Variants in EPHB1 observed in about 807,000 individuals in gnomAD.
EPHB1 encodes the protein ephrin type-B receptor 1.
Under a neutral mutation model 94.4 loss-of-function variants are expected in EPHB1, and 30 were observed. The observed-to-expected ratio is 0.32, with a 90% CI of 0.24 to 0.43. The LOEUF (loss-of-function observed/expected upper bound fraction) is 0.43, where lower values mean the gene tolerates loss of function less well. EPHB1 is among the 20% of genes least tolerant of loss of function. The pLI, the probability that EPHB1 is intolerant of heterozygous loss-of-function variation, is 1.00. For synonymous variants in EPHB1, 522 were observed against 489.1 expected, an observed-to-expected ratio of 1.07 and a Z score of -0.89; for missense variants, 1,055 against 1,308.3, an observed-to-expected ratio of 0.81 and a Z score of 2.99.
At chr3:135,117,813 G>T (rs558266297) in intron 4 of EPHB1, among the ~76,000 whole-genome samples, 1 of 152,358 alleles carries the variant, frequency 6.6e-6, no homozygotes, top group South Asian at 2.1e-4. Context: ...GCCTTTCCAG[G>T]CTTACCTTGG....
At chr3:134,955,067 C>CTTTTTTTT (rs1309937375) in intron 3 of EPHB1, among the ~76,000 whole-genome samples, 2 of 7,096 alleles carry the variant, frequency 2.8e-4, no homozygotes, top group African/African-American at 4.1e-4. Flanking sequence ...TCCTGACATC[C>CTTTTTTTT]TTTCTTTTTT....
intron 1 of EPHB1, among the ~76,000 whole-genome samples, chr3:134,867,862 G>A (rs150135851): frequency 4.6e-4 from 70 of 152,204 alleles, no homozygotes; most frequent in African/African-American, 1.5e-3. Flanking sequence ...TGGAGTTCTC[G>A]CCTCCTGGGC....
intron 1 of EPHB1, among the ~76,000 whole-genome samples, chr3:134,818,627 T>C (rs2108288990): frequency 6.6e-6 from 1 of 152,350 alleles, no homozygotes; most frequent in East Asian, 1.9e-4. Context: ...CAGTTTCCAT[T>C]CCTGAGTTAC....
chr3:135,176,476 A>G (rs1033862682), intron 9 of EPHB1, among the ~76,000 whole-genome samples: 1 of 152,208 alleles, frequency 6.6e-6, no homozygotes, highest in Non-Finnish European at 1.5e-5. Context: ...GGTCTCAGTG[A>G]CACCAATGCC....
chr3:134,910,878 A>G (rs1024467301), intron 1 of EPHB1, among the ~76,000 whole-genome samples: 2 of 152,228 alleles, frequency 1.3e-5, no homozygotes, highest in African/African-American at 4.8e-5. Context: ...CCTCCTGTGC[A>G]GTTGACAGTG....
chr3:134,972,677 C>T (rs1285438939), intron 3 of EPHB1, among the ~76,000 whole-genome samples: 1 of 151,678 alleles, frequency 6.6e-6, no homozygotes, highest in African/African-American at 2.4e-5. Context: ...AATTGCAATA[C>T]TGTGTGTTAT....
intron 10 of EPHB1, among the ~76,000 whole-genome samples, chr3:135,183,190 C>T (rs1159057905): frequency 1.3e-5 from 2 of 149,976 alleles, no homozygotes; most frequent in African/African-American, 4.9e-5. Context: ...TTTCCTTCCT[C>T]CCTTCCTTCC....
intron 1 of EPHB1, among the ~76,000 whole-genome samples, chr3:134,877,422 C>G (rs1392031962): frequency 6.6e-6 from 1 of 152,206 alleles, no homozygotes; most frequent in Non-Finnish European, 1.5e-5. Context: ...CCCTGAAGCT[C>G]TATCTCTTTG....
intron 1 of EPHB1, among the ~76,000 whole-genome samples, chr3:134,851,890 G>T (rs1441024146): frequency 6.6e-6 from 1 of 152,124 alleles, no homozygotes; most frequent in African/African-American, 2.4e-5. Flanking sequence ...CTCTGCTATT[G>T]TCTTTTCCCA....
intron 11 of EPHB1, among the ~76,000 whole-genome samples, chr3:135,197,404 C>A (rs1046650755): frequency 3.3e-5 from 5 of 152,200 alleles, no homozygotes; most frequent in African/African-American, 1.2e-4. Flanking sequence ...GTCCTGAGAC[C>A]AAGGTTCTGC....
intron 12 of EPHB1, among the ~76,000 whole-genome samples, chr3:135,224,417 G>A (rs1035642653): frequency 1.3e-5 from 2 of 152,108 alleles, no homozygotes; most frequent in East Asian, 1.9e-4. Context: ...CTACATAAAT[G>A]TTGTGTCCTT....
chr3:134,888,377 CT>C (rs1377405222), intron 1 of EPHB1, among the ~76,000 whole-genome samples: 1 of 152,196 alleles, frequency 6.6e-6, no homozygotes. Context: ...GTTTTGTGAT[CT>C]GATGTGGCCT....
At chr3:135,031,893 C>T (rs1253014315) in intron 3 of EPHB1, among the ~76,000 whole-genome samples, 1 of 151,948 alleles carries the variant, frequency 6.6e-6, no homozygotes, top group Non-Finnish European at 1.5e-5. Flanking sequence ...AATCATTTTT[C>T]CTCCAAAATT....
intron 1 of EPHB1, among the ~76,000 whole-genome samples, chr3:134,880,079 AC>A (rs2037697592): frequency 6.6e-6 from 1 of 152,124 alleles, no homozygotes; most frequent in Non-Finnish European, 1.5e-5. Flanking sequence ...CAGCAACTGC[AC>A]CTTTTGCTCA....
At chr3:135,165,094 T>C (rs1482996187) in intron 7 of EPHB1, among the ~76,000 whole-genome samples, 1 of 152,240 alleles carries the variant, frequency 6.6e-6, no homozygotes, top group African/African-American at 2.4e-5. Context: ...CATTAGGTAA[T>C]AGTTCTTTAA....
At chr3:135,073,862 T>G (rs1214175214) in intron 3 of EPHB1, among the ~76,000 whole-genome samples, 1 of 152,174 alleles carries the variant, frequency 6.6e-6, no homozygotes, top group African/African-American at 2.4e-5. Flanking sequence ...TGCATTCCAG[T>G]GGTGGTGTTT....
At chr3:135,005,638 A>G (rs1935374070) in intron 3 of EPHB1, among the ~76,000 whole-genome samples, 2 of 152,242 alleles carry the variant, frequency 1.3e-5, no homozygotes, top group South Asian at 4.1e-4. Context: ...CCTCCGAGCC[A>G]GGTGCGGGAT....
intron 1 of EPHB1, among the ~76,000 whole-genome samples, chr3:134,876,706 G>A (rs927272316): frequency 2.6e-5 from 4 of 152,136 alleles, no homozygotes; most frequent in African/African-American, 4.8e-5. Context: ...TGAGGATGGC[G>A]CCAAGTGTTT....
chr3:134,930,940 C>T (rs2038893686), intron 2 of EPHB1, among the ~76,000 whole-genome samples: 2 of 152,196 alleles, frequency 1.3e-5, no homozygotes, highest in African/African-American at 2.4e-5. Context: ...AATGAGCCAG[C>T]TCCCTCTTTG....
Sources: allele counts gnomAD v4.1 joint callset (sites outside exome capture counted in the v4.1 genomes callset), GRCh38; gene constraint gnomAD v4.1.1; transcripts MANE v1.5; gene names NCBI Gene and HGNC (gene_info 2026-07-23, HGNC 2026-07-21).